SMYD3: variants seen among roughly 807,000 people sequenced by gnomAD.
SMYD3 encodes SET and MYND domain containing 3, also known as histone-lysine N-methyltransferase SMYD3.
In SMYD3, 36 loss-of-function variants were observed where a neutral mutation model predicts 57.7. The ratio of observed to expected loss-of-function variants is 0.62; its 90% CI spans 0.48 to 0.82. The LOEUF (loss-of-function observed/expected upper bound fraction) is 0.82, where lower values mean the gene tolerates loss of function less well. Among genes scored for constraint, SMYD3 ranks in the 40% least tolerant of loss-of-function variants. The pLI, the probability that SMYD3 is intolerant of heterozygous loss-of-function variation, is 0.00. For missense variants in SMYD3, 515 were observed against 538.8 expected, an observed-to-expected ratio of 0.96 and a Z score of 0.44; for synonymous variants, 211 against 195.0, an observed-to-expected ratio of 1.08 and a Z score of -0.68.
Position 245,920,268 on chromosome 1 carries a change from A to G in SMYD3, c.703-4628T>C, listed in dbSNP as rs148134646. 4.8e-3 allele frequency among the ~76,000 whole-genome samples: 720 copies of G among 149,066 alleles called. 10 individuals carry two copies. Among genetic ancestry groups the G allele is most frequent in the Admixed American group, 0.024 (352 of 14,942 alleles). On this transcript the variant is annotated intron_variant, in intron 7 of 11. Transcript: ENST00000490107. Reference sequence around the variant, plus strand: ...GCGGAGCTTGCAGTGAGACGAGATCATGCCACTGCACTCCAGCCTGGGCGA... The same window carrying G: ...GCGGAGCTTGCAGTGAGACGAGATCGTGCCACTGCACTCCAGCCTGGGCGA...
intron 5 of SMYD3, among the ~76,000 whole-genome samples, chr1:246,129,836 A>T (rs1448095580): frequency 6.6e-6 from 1 of 152,152 alleles, no homozygotes; most frequent in African/African-American, 2.4e-5. Context: ...TTAGCTAGTC[A>T]AGCAAAGAGT....
chr1:246,175,093 G>A (rs527677940), intron 5 of SMYD3, among the ~76,000 whole-genome samples: 1 of 152,078 alleles, frequency 6.6e-6, no homozygotes, highest in Admixed American at 6.6e-5. Flanking sequence ...ATTATTGGGG[G>A]AAAAACTAAG....
chr1:245,852,814 C>T (rs1325253317), intron 10 of SMYD3, among the ~76,000 whole-genome samples: 8 of 152,086 alleles, frequency 5.3e-5, no homozygotes, highest in Non-Finnish European at 1.0e-4. Flanking sequence ...GACCCTTCGC[C>T]CATCACTGTG....
At chr1:246,072,882 T>C (rs1368332898) in intron 5 of SMYD3, among the ~76,000 whole-genome samples, 1 of 152,226 alleles carries the variant, frequency 6.6e-6, no homozygotes, top group East Asian at 1.9e-4. Flanking sequence ...TGTATAAGCA[T>C]GGTGCATGTA....
chr1:245,814,817 C>T (rs2048696205), intron 10 of SMYD3, among the ~76,000 whole-genome samples: 1 of 151,696 alleles, frequency 6.6e-6, no homozygotes, highest in Non-Finnish European at 1.5e-5. Context: ...TGCACACACA[C>T]ACACGCACGC....
At chr1:246,186,545 C>A (rs1244763636) in intron 5 of SMYD3, among the ~76,000 whole-genome samples, 1 of 152,080 alleles carries the variant, frequency 6.6e-6, no homozygotes, top group Non-Finnish European at 1.5e-5. Flanking sequence ...AACCAGAGAA[C>A]AGCACGGTGG....
intron 8 of SMYD3, among the ~76,000 whole-genome samples, chr1:245,909,372 C>T (rs757159203): frequency 1.6e-4 from 25 of 152,060 alleles, no homozygotes; most frequent in Non-Finnish European, 3.1e-4. Flanking sequence ...TTCTACCAAA[C>T]ATTTAAAAAA....
At chr1:246,283,166 G>T (rs1162882712) in intron 5 of SMYD3, among the ~76,000 whole-genome samples, 4 of 152,170 alleles carry the variant, frequency 2.6e-5, no homozygotes, top group African/African-American at 2.4e-5. Context: ...AAGCTTTTGG[G>T]ATCTGGACTC....
intron 8 of SMYD3, among the ~76,000 whole-genome samples, chr1:245,874,473 T>G (rs1371411892): frequency 6.6e-6 from 1 of 152,156 alleles, no homozygotes; most frequent in African/African-American, 2.4e-5. Flanking sequence ...ATCTTACGGG[T>G]CATCTAAAGA....
chr1:246,096,690 A>G (rs2060921103), intron 5 of SMYD3, among the ~76,000 whole-genome samples: 1 of 152,238 alleles, frequency 6.6e-6, no homozygotes, highest in African/African-American at 2.4e-5. Context: ...ATGTATATGA[A>G]AAAGATACCA....
intron 5 of SMYD3, among the ~76,000 whole-genome samples, chr1:245,977,318 T>A (rs1262948711): frequency 6.6e-6 from 1 of 152,210 alleles, no homozygotes; most frequent in East Asian, 1.9e-4. Flanking sequence ...CCCACTCTTC[T>A]AGCCTTGCTC....
intron 5 of SMYD3, among the ~76,000 whole-genome samples, chr1:246,304,183 A>G (rs1036328527): frequency 6.6e-6 from 1 of 152,232 alleles, no homozygotes; most frequent in Admixed American, 6.5e-5. Flanking sequence ...TAAAGATACT[A>G]TATTTCAGAT....
At chr1:246,245,120 C>CTTTTTTTTTTTTTTTTTTTTT (rs74163421) in intron 5 of SMYD3, among the ~76,000 whole-genome samples, 6 of 122,948 alleles carry the variant, frequency 4.9e-5, no homozygotes, top group Admixed American at 8.3e-5. Context: ...CAGCTACTGC[C>CTTTTTTTTTTTTTTTTTTTTT]TTTTTTTTTT....
At chr1:246,498,790 T>C (rs986232294) in intron 1 of SMYD3, among the ~76,000 whole-genome samples, 1 of 147,250 alleles carries the variant, frequency 6.8e-6, no homozygotes, top group Non-Finnish European at 1.5e-5. Context: ...AGAAAAAATA[T>C]AAGATGAACC....
At chr1:246,231,304 G>A (rs187056992) in intron 5 of SMYD3, among the ~76,000 whole-genome samples, 56 of 152,204 alleles carry the variant, frequency 3.7e-4, no homozygotes, top group African/African-American at 1.2e-3. Context: ...GTAATAAACG[G>A]GTTGTCCAGA....
intron 10 of SMYD3, among the ~76,000 whole-genome samples, chr1:245,855,323 T>C (rs1381522463): frequency 2.0e-5 from 3 of 151,198 alleles, no homozygotes; most frequent in African/African-American, 7.3e-5. Context: ...TTTTAGGGGC[T>C]GGGGGGGGAA....
intron 2 of SMYD3, among the ~76,000 whole-genome samples, chr1:246,354,330 G>A (rs1304433884): frequency 6.6e-6 from 1 of 152,098 alleles, no homozygotes; most frequent in Non-Finnish European, 1.5e-5. Flanking sequence ...AACAGTACTC[G>A]TAAATTAACT....
At chr1:246,126,859 T>A (rs538739375) in intron 5 of SMYD3, among the ~76,000 whole-genome samples, 3 of 152,340 alleles carry the variant, frequency 2.0e-5, no homozygotes, top group Non-Finnish European at 4.4e-5. Context: ...AAAGCTATCT[T>A]TCTCTTTTCT....
At position 246,377,649 on chromosome 1, in the gene SMYD3, G is replaced by A. The variant is rs151199012; in HGVS notation, c.165-22555C>T. Among the ~76,000 whole-genome samples, 258 of 152,254 alleles carry A rather than the reference G, an allele frequency of 1.7e-3. 1 individual carries two copies. Among genetic ancestry groups the A allele is most frequent in the African/African-American group, 5.7e-3 (239 of 41,568 alleles). ...CTCCCAAAGTGCTGCGATTACAGGC[G>A]TAAGCCACCATGCCCAACCATAATT... On this transcript the variant is annotated intron_variant, in intron 1 of 11. Coordinates refer to ENST00000490107, the MANE Select transcript of SMYD3 (RefSeq NM_001167740.2).
Sources: allele counts gnomAD v4.1 joint callset (sites outside exome capture counted in the v4.1 genomes callset), GRCh38; gene constraint gnomAD v4.1.1; transcripts MANE v1.5; gene names NCBI Gene and HGNC (gene_info 2026-07-23, HGNC 2026-07-21).